Variants in GDPD5 observed in about 807,000 individuals in gnomAD.
GDPD5 encodes the protein glycerophosphodiester phosphodiesterase domain containing 5.
Under a neutral mutation model 75.1 loss-of-function variants are expected in GDPD5, and 48 were observed. The ratio of observed to expected loss-of-function variants is 0.64; its 90% CI spans 0.51 to 0.81. GDPD5 has a LOEUF of 0.81. GDPD5 is among the 40% of genes least tolerant of loss of function. GDPD5 has a pLI of 0.00. For missense variants in GDPD5, 706 were observed against 822.6 expected (o/e 0.86, Z 1.73); for synonymous variants, 336 against 339.0 (o/e 0.99, Z 0.10).
chr11:75,480,432 A>G (rs186398799), intron 2 of GDPD5, among the ~76,000 whole-genome samples: 50 of 152,222 alleles, frequency 3.3e-4, no homozygotes, highest in African/African-American at 1.1e-3. Flanking sequence ...ATCATCGCTC[A>G]TGGCCACCTC....
intron 3 of GDPD5, among the ~76,000 whole-genome samples, chr11:75,468,680 C>CG (rs1427872487): frequency 2.4e-5 from 3 of 125,382 alleles, no homozygotes; most frequent in Non-Finnish European, 5.5e-5. Flanking sequence ...TCCCCCGACG[C>CG]CCCCCCCCCG....
chr11:75,447,249 T>C (rs1300395364), intron 9 of GDPD5, among the ~76,000 whole-genome samples: 3 of 152,184 alleles, frequency 2.0e-5, no homozygotes, highest in Non-Finnish European at 4.4e-5. Flanking sequence ...GTGGACCACA[T>C]TTGGATCCTG....
At chr11:75,436,691 C>G (rs1948634764) in intron 16 of GDPD5, among the ~76,000 whole-genome samples, 1 of 152,228 alleles carries the variant, frequency 6.6e-6, no homozygotes, top group Non-Finnish European at 1.5e-5. Flanking sequence ...AACCATGGCA[C>G]TGACACCAAG....
chr11:75,455,061 G>A (rs187670780), intron 6 of GDPD5: 8 of 271,224 alleles, frequency 2.9e-5, no homozygotes, highest in Non-Finnish European at 6.0e-5. Context: ...TCTCACATAG[G>A]GGGCAGAGGG....
chr11:75,455,475 C>T (rs145334679), intron 6 of GDPD5: 111 of 418,096 alleles, frequency 2.7e-4, no homozygotes, highest in African/African-American at 1.8e-3. Flanking sequence ...TGTAACAAAC[C>T]GGCCTCGGTG....
chr11:75,442,774 C>A, intron 11 of GDPD5, 193 bp from the exon 12 acceptor site: 1 of 614,424 alleles, frequency 1.6e-6, no homozygotes, highest in Non-Finnish European at 2.9e-6. Context: ...CCCTGCTTAC[C>A]AAGAGGACGG....
chr11:75,493,311 T>C (rs1424019259), intron 1 of GDPD5, among the ~76,000 whole-genome samples: 1 of 151,922 alleles, frequency 6.6e-6, no homozygotes, highest in African/African-American at 2.4e-5. Flanking sequence ...ATTATACTCA[T>C]GTGACCTGTA....
chr11:75,480,486 G>A (rs1272003924), intron 2 of GDPD5, among the ~76,000 whole-genome samples: 2 of 152,094 alleles, frequency 1.3e-5, no homozygotes, highest in African/African-American at 2.4e-5. Context: ...CTGGGACTAC[G>A]GGTATGTGCT....
chr11:75,452,946 A>G (rs139852316), intron 6 of GDPD5: 1 of 152,502 alleles, frequency 6.6e-6, no homozygotes, highest in Non-Finnish European at 1.5e-5. Flanking sequence ...AGGACAGAAG[A>G]GCAGTGCAGT....
chr11:75,439,618 G>A lies in GDPD5; in HGVS notation c.1556+261C>T, dbSNP rs529069770. Among the ~76,000 whole-genome samples, 44 of 152,252 alleles carry A rather than the reference G, an allele frequency of 2.9e-4. 1 individual carries two copies. The East Asian group carries it at 4.1e-3, about 14-fold the overall frequency. ...GGCTAACAGATGAGCAGGCCAGCCC[G>A]GTGAGGAGCTGAAATTCACCTAAGC... On this transcript the variant is annotated intron_variant, in intron 15 of 16. Transcript: ENST00000336898.
intron 4 of GDPD5, among the ~76,000 whole-genome samples, chr11:75,462,192 C>T (rs1209885844): frequency 6.6e-6 from 1 of 152,218 alleles, no homozygotes; most frequent in Non-Finnish European, 1.5e-5. Flanking sequence ...AAGGGCCCTG[C>T]CCCGGTTGAG....
At chr11:75,478,320 T>C (rs911170377) in intron 2 of GDPD5, among the ~76,000 whole-genome samples, 5 of 152,166 alleles carry the variant, frequency 3.3e-5, no homozygotes, top group African/African-American at 1.2e-4. Flanking sequence ...CTAATTTTCG[T>C]ATTTTTGTAG....
Position 75,514,575 on chromosome 11 carries a change from A to G in GDPD5, c.-145+10635T>C, listed in dbSNP as rs1320776624. ...AGGATGATGCACCCCCTATCCTGCC[A>G]TGGTCAAGAGGCTCTGGCCATTGAC... On this transcript the variant is annotated intron_variant, in intron 1 of 16. Coordinates refer to ENST00000336898, the MANE Select transcript of GDPD5 (RefSeq NM_030792.8). 2.0e-5 allele frequency among the ~76,000 whole-genome samples: 3 copies of G among 152,248 alleles called. No individual in the cohort carries two copies. The East Asian group carries it at 5.8e-4, about 29-fold the overall frequency.
At position 75,506,430 on chromosome 11, in the gene GDPD5, T is replaced by G. The variant is rs796501513; in HGVS notation, c.-144-16110A>C. Among the ~76,000 whole-genome samples, 16 of 152,192 alleles carry G rather than the reference T, an allele frequency of 1.1e-4. 1 individual carries two copies. Among genetic ancestry groups the G allele is most frequent in the African/African-American group, 3.9e-4 (16 of 41,536 alleles). Reference sequence around the variant, plus strand: ...CCCCTCCACCTAGGAGGACCCAGGGTAGCCTCTTAATAAGCTCCCTAGGGC... The same window carrying G: ...CCCCTCCACCTAGGAGGACCCAGGGGAGCCTCTTAATAAGCTCCCTAGGGC... On this transcript the variant is annotated intron_variant, in intron 1 of 16. Coordinates refer to ENST00000336898, the MANE Select transcript of GDPD5 (RefSeq NM_030792.8).
At chr11:75,439,235 G>GGGCACAGGGCTTGGTGCACGCA in intron 15 of GDPD5, 2 of 424,170 alleles carry the variant, frequency 4.7e-6, no homozygotes, top group Admixed American at 5.0e-5. Flanking sequence ...GAGGTGGCCC[G>GGGCACAGGGCTTGGTGCACGCA]GGCACAGGGC....
chr11:75,463,578 A>C (rs762711006), intron 3 of GDPD5, among the ~76,000 whole-genome samples: 6 of 152,030 alleles, frequency 3.9e-5, no homozygotes, highest in Non-Finnish European at 5.9e-5. Context: ...GAAGCACAAA[A>C]AGCTTGGAAT....
At chr11:75,457,651 C>T in intron 5 of GDPD5, 42 bp downstream of exon 5, 1 of 1,572,264 alleles carries the variant, frequency 6.4e-7, no homozygotes, top group Non-Finnish European at 8.8e-7. Flanking sequence ...ATCCCTTCCC[C>T]TGGGAGCAGG....
At chr11:75,454,593 G>A (rs1286146443) in intron 6 of GDPD5, among the ~76,000 whole-genome samples, 1 of 152,228 alleles carries the variant, frequency 6.6e-6, no homozygotes, top group Non-Finnish European at 1.5e-5. Flanking sequence ...GGGAATCAGG[G>A]AATATCCAGA....
intron 2 of GDPD5, among the ~76,000 whole-genome samples, chr11:75,479,026 T>C (rs904299929): frequency 2.6e-5 from 4 of 152,024 alleles, no homozygotes; most frequent in Admixed American, 2.6e-4. Flanking sequence ...GCAAGAGGTG[T>C]CTTGAGGGTT....
Sources: gnomAD v4.1 joint callset for allele counts (sites outside exome capture counted in the v4.1 genomes callset) on GRCh38, gnomAD v4.1.1 for gene constraint, MANE v1.5 for transcripts, NCBI Gene and HGNC (gene_info 2026-07-23, HGNC 2026-07-21) for gene names.